Variants in ASB2 observed in about 807,000 individuals in gnomAD.
ASB2 encodes the protein ankyrin repeat and SOCS box containing 2, also known as ankyrin repeat and SOCS box protein 2.
A neutral mutation model predicts 62.4 loss-of-function variants in ASB2; 58 were observed. That is an observed-to-expected ratio of 0.93 (90% CI 0.75 to 1.16). The LOEUF (loss-of-function observed/expected upper bound fraction) is 1.16. Among genes scored for constraint, ASB2 ranks in the 50% most tolerant of loss-of-function variants. The pLI, the probability that ASB2 is intolerant of heterozygous loss-of-function variation, is 0.00. For missense variants in ASB2, 928 were observed against 887.9 expected (o/e 1.05, Z -0.57); for synonymous variants, 386 against 385.3 (o/e 1.00, Z -0.02).
Position 93,939,362 on chromosome 14 carries a change from G to A in ASB2, c.1363C>T (p.Arg455Cys), listed in dbSNP as rs1888411747. The change falls in exon 8 of 10, where the codon CGC (arginine) becomes TGC (cysteine). Residue 455 changes from arginine to cysteine, a missense_variant. Arg to Cys is a radical substitution (Grantham distance 180). Transcript: ENST00000555019. ...LLVAIRHGCL[R>C]TMQLLLDHGA... ...TGGTCCAGCAGCAGCTGCATTGTGC[G>A]CAGGCAGCCGTGGCGGATGGCCACG... 2 of 1,612,774 alleles carry A rather than the reference G, an allele frequency of 1.2e-6. No homozygotes were observed. The highest frequency in any genetic ancestry group is 2.7e-5 in the African/African-American group (2 of 75,056).
At chr14:93,950,931 C>T in intron 6 of ASB2, 68 bp downstream of exon 6, 10 of 1,545,082 alleles carry the variant, frequency 6.5e-6, no homozygotes, top group Admixed American at 3.7e-5. Flanking sequence ...TCCCTTAGAG[C>T]TGACCTCTGA....
rs1889248905 is a variant in ASB2 at position 93,957,032 on chromosome 14, T to C, written c.207-162A>G. 4.6e-6 allele frequency: 7 copies of C among 1,510,116 alleles called. No homozygotes were observed. In the East Asian group the frequency reaches 9.2e-5, roughly 20 times the overall value. 93.5% of individuals were successfully genotyped at this position (1,510,116 alleles called of 1,614,324 possible). A position where few individuals can be genotyped will look rare whatever the true frequency, so the allele number is the denominator to read the frequency against. On this transcript the variant is annotated intron_variant, in intron 2 of 9. Coordinates refer to ENST00000555019, the MANE Select transcript of ASB2 (RefSeq NM_001202429.2). ...GCAGATGGCCGGGTCCTCTGTGTGC[T>C]GGACACAGCTGCTGTGTCTCCGGAT...
chr14:93,951,823 G>A (rs1888981103), intron 5 of ASB2, among the ~76,000 whole-genome samples: 4 of 152,226 alleles, frequency 2.6e-5, no homozygotes, highest in Admixed American at 2.6e-4. Flanking sequence ...CTCCAGCAAA[G>A]GCTACTAATT....
rs66925826 is a variant in ASB2, at chr14:93,956,981, T to A, written c.207-111A>T. 109,792 of 1,567,360 alleles carry A rather than the reference T, an allele frequency of 0.07. 4,200 individuals are homozygous for A. The highest frequency in any genetic ancestry group is 0.077 in the Non-Finnish European group (88,552 of 1,154,122). On this transcript the variant is annotated intron_variant, in intron 2 of 9. Transcript: ENST00000555019. The stretch of plus-strand genomic sequence containing the variant: ...GAGGGAGAGCCAGGGAGAGACTGAC[T>A]GACAGACACAGGGCTCTGAACCAAA...
At chr14:93,937,254 G>A (rs901155796) in intron 9 of ASB2, among the ~76,000 whole-genome samples, 3 of 152,136 alleles carry the variant, frequency 2.0e-5, no homozygotes, top group African/African-American at 7.2e-5. Context: ...CCCCAGACCT[G>A]CGGAATCAGA....
chr14:93,948,968 A>G (rs980101315), intron 6 of ASB2, among the ~76,000 whole-genome samples: 7 of 152,186 alleles, frequency 4.6e-5, no homozygotes, highest in African/African-American at 1.7e-4. Flanking sequence ...AAACCCAGAA[A>G]ACATTAATCC....
intron 8 of ASB2, among the ~76,000 whole-genome samples, chr14:93,938,233 CTTTTTTTTTT>C (rs35127276): frequency 7.4e-5 from 5 of 67,586 alleles, no homozygotes; most frequent in East Asian, 5.8e-4. Context: ...TAAGTTCTGA[CTTTTTTTTTT>C]TTTTTTTTTT....
intron 7 of ASB2, chr14:93,941,391 C>T: frequency 3.1e-6 from 1 of 324,544 alleles, no homozygotes; most frequent in Non-Finnish European, 6.0e-6. Context: ...CTCTGGCCTC[C>T]TGGCACACAG....
Position 93,939,297 on chromosome 14 carries a change from G to T in ASB2, c.1428C>A (p.Thr476=), listed in dbSNP as rs765292231. Residue 476 remains threonine (T), a synonymous_variant, in exon 8 of 10, where the codon ACC becomes ACA. Coordinates refer to ENST00000555019, the MANE Select transcript of ASB2 (RefSeq NM_001202429.2). The stretch of plus-strand genomic sequence containing the variant: ...CGAACATGATGGTGGCGGGGAAGGC[G>T]GTGGGGTGCGTGGCGATATAGGCGT... ...NIDAYIATHP[T]AFPATIMFAM... The T allele has an allele frequency of 3.1e-6, 5 of 1,609,276 alleles. No homozygotes were observed. Among genetic ancestry groups the T allele is most frequent in the Admixed American group, 1.7e-5 (1 of 59,888 alleles).
intron 1 of ASB2, among the ~76,000 whole-genome samples, chr14:93,966,620 A>G (rs542802715): frequency 2.6e-5 from 4 of 152,220 alleles, no homozygotes; most frequent in Non-Finnish European, 5.9e-5. Context: ...CTGCTGAACC[A>G]ATGCTGGGTC....
At chr14:93,970,751 A>G (rs970342073) in intron 1 of ASB2, among the ~76,000 whole-genome samples, 3 of 152,226 alleles carry the variant, frequency 2.0e-5, no homozygotes, top group East Asian at 1.9e-4. Context: ...CCCACTGCCT[A>G]TACTCAACCC....
At chr14:93,935,279 G>T (rs957813838) in intron 9 of ASB2, among the ~76,000 whole-genome samples, 1 of 152,188 alleles carries the variant, frequency 6.6e-6, no homozygotes, top group Non-Finnish European at 1.5e-5. Context: ...CTGACAGCTC[G>T]CCTCGAGCTC....
intron 2 of ASB2, among the ~76,000 whole-genome samples, chr14:93,959,588 A>G (rs1889339209): frequency 6.6e-6 from 1 of 152,186 alleles, no homozygotes; most frequent in Admixed American, 6.5e-5. Flanking sequence ...CCTCGGCAGG[A>G]TGTGGGTGTA....
Position 93,934,312 on chromosome 14 carries a change from G to A in ASB2, c.*344C>T. 6.4e-6 allele frequency: 3 copies of A among 465,326 alleles called. No individual in the cohort carries two copies. The highest frequency in any genetic ancestry group is 1.3e-5 in the Non-Finnish European group (3 of 237,616). The allele number at this position is 465,326 out of a possible 1,614,324, so 28.8% of individuals were successfully genotyped here. ...AGTGGTGAGTTTTCCAGAACAAGTG[G>A]AGGGGCACAGGGAAGGCTCTGAGCA... On this transcript the variant is annotated 3_prime_UTR_variant, in exon 10 of 10. Coordinates refer to ENST00000555019, the MANE Select transcript of ASB2 (RefSeq NM_001202429.2).
intron 3 of ASB2, 106 bp from the exon 4 acceptor site, chr14:93,954,589 G>C (rs939741734): frequency 5.9e-6 from 6 of 1,023,634 alleles, no homozygotes; most frequent in Non-Finnish European, 8.7e-6. Flanking sequence ...CCTCGTCCCT[G>C]CTGGTTCCAG....
intron 9 of ASB2, among the ~76,000 whole-genome samples, chr14:93,937,237 G>A (rs1016435008): frequency 1.3e-5 from 2 of 152,142 alleles, no homozygotes; most frequent in African/African-American, 2.4e-5. Context: ...CAGACTCCCC[G>A]GCCCCGCCCC....
Position 93,939,682 on chromosome 14 carries a change from CGAGGGGCGGGCGCGGGT to C in ASB2, c.1053-27_1053-11del, listed in dbSNP as rs1363327123. The C allele has an allele frequency of 9.9e-6, 14 of 1,416,162 alleles. No homozygotes were observed. The highest frequency in any genetic ancestry group is 2.3e-4 in the Middle Eastern group (1 of 4,256). 87.7% of individuals were successfully genotyped at this position (1,416,162 alleles called of 1,614,324 possible). A position where few individuals can be genotyped will look rare whatever the true frequency, so the allele number is the denominator to read the frequency against. On this transcript the variant is annotated splice_polypyrimidine_tract_variant and intron_variant, in intron 7 of 9. Coordinates refer to ENST00000555019, the MANE Select transcript of ASB2 (RefSeq NM_001202429.2). ...CAGCATCTGCACGATCCTGCCGGGT[CGAGGGGCGGGCGCGGGT>C]GAGGGGAGGGTCGGGGTGTGGACGG...
At chr14:93,947,644 AC>A in intron 6 of ASB2, 124 bp from the exon 7 acceptor site, 1 of 913,730 alleles carries the variant, frequency 1.1e-6, no homozygotes, top group South Asian at 1.6e-5. Context: ...TTTAACAACG[AC>A]CCTTAGGAAG....
chr14:93,941,623 C>T, intron 7 of ASB2: 1 of 456,076 alleles, frequency 2.2e-6, no homozygotes, highest in Non-Finnish European at 4.4e-6. Context: ...TGGGCCTCAC[C>T]CTGGATGGCG....
Sources: allele counts gnomAD v4.1 joint callset (sites outside exome capture counted in the v4.1 genomes callset), GRCh38; gene constraint gnomAD v4.1.1; transcripts MANE v1.5; gene names NCBI Gene and HGNC (gene_info 2026-07-23, HGNC 2026-07-21).